LTA4H: variants seen among roughly 807,000 people sequenced by gnomAD.
LTA4H encodes the protein leukotriene A-4 hydrolase.
A neutral mutation model predicts 89.8 loss-of-function variants in LTA4H; 59 were observed. The ratio of observed to expected loss-of-function variants is 0.66; its 90% CI spans 0.53 to 0.82. LTA4H has a LOEUF of 0.82. Ranked by LOEUF, LTA4H falls within the 40% of genes least tolerant of loss-of-function variation. The pLI is 0.00. For missense variants in LTA4H, 617 were observed against 727.0 expected (o/e 0.85, Z 1.74); for synonymous variants, 227 against 253.1 (o/e 0.90, Z 0.98).
chr12:96,035,568 T>C lies in LTA4H; in HGVS notation c.-49A>G, dbSNP rs769938186. 3 of 1,541,772 alleles carry C rather than the reference T, an allele frequency of 1.9e-6. No individual in the cohort carries two copies. Among genetic ancestry groups the C allele is most frequent in the Non-Finnish European group, 2.6e-6 (3 of 1,135,754 alleles). On this transcript the variant is annotated 5_prime_UTR_variant, in exon 1 of 19. Coordinates refer to ENST00000228740, the MANE Select transcript of LTA4H (RefSeq NM_000895.3). ...AGCGACCTACAGCCCAACGCTCAGC[T>C]ACCAGACTCGTCGATAGAGAACCTG...
intron 1 of LTA4H, among the ~76,000 whole-genome samples, chr12:96,031,734 C>T (rs903673090): frequency 5.3e-5 from 8 of 152,128 alleles, no homozygotes; most frequent in Non-Finnish European, 1.0e-4. Flanking sequence ...GTATAGAGGG[C>T]TTTATGCCAT....
At chr12:96,030,489 T>C (rs1268284741) in intron 1 of LTA4H, among the ~76,000 whole-genome samples, 2 of 152,206 alleles carry the variant, frequency 1.3e-5, no homozygotes, top group Non-Finnish European at 2.9e-5. Context: ...AAATGATTTT[T>C]ATACTCCCTG....
Position 96,018,833 on chromosome 12 carries a change from A to C in LTA4H, c.782T>G (p.Val261Gly), listed in dbSNP as rs1950416368. The C allele has an allele frequency of 2.8e-5, 45 of 1,606,076 alleles. No homozygotes were observed. Among genetic ancestry groups the C allele is most frequent in the Non-Finnish European group, 3.8e-5 (45 of 1,177,388 alleles). ...ACCATAAGGGAAGGATGGTGGCAGG[A>C]CCAATAGGTCATACTGTCCCCATAC... ...PYVWGQYDLL[V>G]LPPSFPYGGM... The change falls in exon 8 of 19, where the codon GTC becomes GGC. Residue 261 changes from valine (V) to glycine (G), a missense_variant. Coordinates refer to ENST00000228740, the MANE Select transcript of LTA4H (RefSeq NM_000895.3).
chr12:96,036,577 G>A (rs1950649390), upstream of LTA4H, among the ~76,000 whole-genome samples: 1 of 152,128 alleles, frequency 6.6e-6, no homozygotes, highest in Non-Finnish European at 1.5e-5. Context: ...GAAGATGCTG[G>A]GGGCCTGACA....
At chr12:96,017,525 AG>A in intron 9 of LTA4H, 31 bp downstream of exon 9, 1 of 1,587,560 alleles carries the variant, frequency 6.3e-7, no homozygotes, top group Non-Finnish European at 8.6e-7. Flanking sequence ...TACTTCTTGA[AG>A]GTAAGGCCAT....
In LTA4H at chr12:96,042,739, A is replaced by G. The variant is rs572366276; in HGVS notation, c.87+550T>C. Among the ~76,000 whole-genome samples, 7 of 152,262 alleles carry G rather than the reference A, an allele frequency of 4.6e-5. No homozygotes were observed. In the East Asian group the frequency reaches 1.2e-3, roughly 25 times the overall value. On this transcript the variant is annotated intron_variant, in intron 1 of 17. Coordinates refer to the LTA4H transcript ENST00000413268. ...TTCCAGGCCTTCTCCTTAGAAAAAA[A>G]TAAAGGTCCCTATTCCTGTAACCGG...
intron 5 of LTA4H, among the ~76,000 whole-genome samples, 199 bp downstream of exon 5, chr12:96,021,948 C>G (rs1050388739): frequency 6.6e-6 from 1 of 152,100 alleles, no homozygotes; most frequent in Non-Finnish European, 1.5e-5. Context: ...CTACAGCAAA[C>G]CCTCTCTTCA....
intron 1 of LTA4H, among the ~76,000 whole-genome samples, chr12:96,034,851 T>C (rs1298742357): frequency 6.6e-6 from 1 of 152,058 alleles, no homozygotes; most frequent in Non-Finnish European, 1.5e-5. Flanking sequence ...CGACAGGACA[T>C]GGGATCTGAG....
chr12:96,003,617 A>G (rs1195150707), intron 17 of LTA4H: 2 of 328,800 alleles, frequency 6.1e-6, no homozygotes, highest in Non-Finnish European at 1.1e-5. Flanking sequence ...TTTTAAGGCA[A>G]GAGAGGTTTA....
chr12:96,043,238 G>A, intron 1 of LTA4H: 1 of 1,297,628 alleles, frequency 7.7e-7, no homozygotes, highest in East Asian at 2.5e-5. Flanking sequence ...GGTAGGCAGG[G>A]ACTCGACTTG....
At chr12:96,013,130 T>G in intron 14 of LTA4H, 58 bp downstream of exon 14, 1 of 1,289,488 alleles carries the variant, frequency 7.8e-7, no homozygotes, top group East Asian at 2.3e-5. Context: ...TCAGATATTT[T>G]GAGGCTCTCT....
intron 1 of LTA4H, among the ~76,000 whole-genome samples, chr12:96,030,412 G>A (rs570409399): frequency 7.2e-5 from 11 of 152,108 alleles, no homozygotes; most frequent in East Asian, 5.8e-4. Context: ...GACCTCAGTC[G>A]AATCGCCTGC....
In LTA4H at chr12:96,017,120, G is replaced by A. The variant is rs942568688; in HGVS notation, c.877-6C>T. The A allele has an allele frequency of 1.9e-6, 3 of 1,591,116 alleles. No individual in the cohort carries two copies. Among genetic ancestry groups the A allele is most frequent in the Non-Finnish European group, 2.6e-6 (3 of 1,159,340 alleles). On this transcript the variant is annotated splice_polypyrimidine_tract_variant and splice_region_variant and intron_variant, in intron 9 of 18. Coordinates refer to ENST00000228740, the MANE Select transcript of LTA4H (RefSeq NM_000895.3). The stretch of plus-strand genomic sequence containing the variant: ...GATATTTCATGTGCAATGACCTAAA[G>A]AAAACAGTGTGATTAATAGTAAGAC...
chr12:96,041,992 T>C (rs1179474396), intron 1 of LTA4H, among the ~76,000 whole-genome samples: 12 of 145,006 alleles, frequency 8.3e-5, no homozygotes, highest in Non-Finnish European at 1.8e-4. Flanking sequence ...TTTTCTTTTT[T>C]TTTTTTTTTT....
In LTA4H at chr12:96,019,941, G is replaced by A. The variant is rs534622608; in HGVS notation, c.639-701C>T. ...TTTTAAATATACAGGGTCTCATTCT[G>A]TTGCCCAGGCTGAGTACAGAGGGGC... On this transcript the variant is annotated intron_variant, in intron 6 of 18. Transcript: ENST00000228740. 9.2e-5 allele frequency among the ~76,000 whole-genome samples: 12 copies of A among 130,380 alleles called. No individual in the cohort carries two copies. In the South Asian group the frequency reaches 2.2e-3, roughly 24 times the overall value. 85.5% of individuals were successfully genotyped at this position (130,380 alleles called of 152,430 possible). A position where few individuals can be genotyped will look rare whatever the true frequency, so the allele number is the denominator to read the frequency against.
At chr12:96,034,306 A>AG (rs1566018786) in intron 1 of LTA4H, among the ~76,000 whole-genome samples, 1 of 152,234 alleles carries the variant, frequency 6.6e-6, no homozygotes, top group Non-Finnish European at 1.5e-5. Flanking sequence ...TCTTCTATGA[A>AG]ATTCTTCAGG....
intron 17 of LTA4H, chr12:96,003,624 T>A (rs954187724): frequency 8.7e-6 from 3 of 343,468 alleles, no homozygotes; most frequent in Non-Finnish European, 1.6e-5. Context: ...GCAAGAGAGG[T>A]TTAGAGCAAA....
exon 1 of LTA4H, chr12:96,043,314 G>A (rs1950702617): frequency 6.5e-7 from 1 of 1,535,308 alleles, no homozygotes; most frequent in African/African-American, 1.4e-5. Flanking sequence ...AAGTCGACGA[G>A]TCTTAACTGG....
rs2540493 is a variant in LTA4H, at chr12:96,022,064, A to C, written c.585+83T>G. Reference sequence around the variant, plus strand: ...TTCTCAAAATTCTGAAATATTTCAAAAGTAATTTTGCCCTCTGGATGTGTA... The same window carrying C: ...TTCTCAAAATTCTGAAATATTTCAACAGTAATTTTGCCCTCTGGATGTGTA... On this transcript the variant is annotated intron_variant, in intron 5 of 18. Coordinates refer to ENST00000228740, the MANE Select transcript of LTA4H (RefSeq NM_000895.3). This position sits in a 1 kb window ranked among gnomAD's most constrained non-coding sequence, Gnocchi z 4.0. 0.2 allele frequency: 157,666 copies of C among 777,196 alleles called. 18,725 individuals are homozygous for C. Among genetic ancestry groups the C allele is most frequent in the Non-Finnish European group, 0.26 (118,615 of 462,362 alleles). 48.1% of individuals were successfully genotyped at this position (777,196 alleles called of 1,614,324 possible). A position where few individuals can be genotyped will look rare whatever the true frequency, so the allele number is the denominator to read the frequency against.
Sources: gnomAD v4.1 joint callset for allele counts (sites outside exome capture counted in the v4.1 genomes callset) on GRCh38, gnomAD v4.1.1 for gene constraint, Gnocchi (gnomAD v3.1) non-coding constraint, MANE v1.5 for transcripts, NCBI Gene and HGNC (gene_info 2026-07-23, HGNC 2026-07-21) for gene names.